Variants in JARID2 observed in about 807,000 individuals in gnomAD.
JARID2 encodes the protein protein Jumonji.
In JARID2, 21 loss-of-function variants were observed where a neutral mutation model predicts 125.6. That is an observed-to-expected ratio of 0.17 (90% CI 0.12 to 0.24). The LOEUF (loss-of-function observed/expected upper bound fraction) is 0.24, where lower values mean the gene tolerates loss of function less well. Ranked by LOEUF, JARID2 falls within the 10% of genes least tolerant of loss-of-function variation. The pLI is 1.00. For synonymous variants in JARID2, 736 were observed against 661.6 expected, an observed-to-expected ratio of 1.11 and a Z score of -1.73; for missense variants, 1,303 against 1,639.6, an observed-to-expected ratio of 0.79 and a Z score of 3.55.
At chr6:15,313,567 T>G (rs1261279868) in intron 1 of JARID2, among the ~76,000 whole-genome samples, 1 of 152,192 alleles carries the variant, frequency 6.6e-6, no homozygotes, top group Non-Finnish European at 1.5e-5. Flanking sequence ...ACGCAGGCTG[T>G]TGGTGCCGCG....
intron 1 of JARID2, among the ~76,000 whole-genome samples, chr6:15,283,190 G>A (rs1281930634): frequency 6.7e-6 from 1 of 149,128 alleles, no homozygotes; most frequent in African/African-American, 2.5e-5. Flanking sequence ...GTGTTAGCCA[G>A]GACGGTCTCG....
At chr6:15,385,209 C>T (rs1442921659) in intron 2 of JARID2, among the ~76,000 whole-genome samples, 3 of 152,268 alleles carry the variant, frequency 2.0e-5, no homozygotes, top group Non-Finnish European at 2.9e-5. Context: ...ACAAAGCATA[C>T]TCTGTTTAGC....
At chr6:15,461,480 A>T (rs1038803192) in intron 4 of JARID2, among the ~76,000 whole-genome samples, 1 of 152,180 alleles carries the variant, frequency 6.6e-6, no homozygotes, top group Non-Finnish European at 1.5e-5. Context: ...CTGGCCATGC[A>T]TCTAGGAGGT....
intron 3 of JARID2, among the ~76,000 whole-genome samples, chr6:15,430,081 G>A (rs539145857): frequency 1.5e-4 from 23 of 152,142 alleles, no homozygotes; most frequent in Non-Finnish European, 2.6e-4. Context: ...CCAACTTAGG[G>A]TTAACTCCAG....
intron 5 of JARID2, among the ~76,000 whole-genome samples, chr6:15,479,586 C>G (rs908639752): frequency 6.6e-6 from 1 of 152,182 alleles, no homozygotes; most frequent in Non-Finnish European, 1.5e-5. Context: ...TTCCAGATAT[C>G]TGTTATAATT....
At chr6:15,505,699 G>C (rs1358116049) in intron 9 of JARID2, among the ~76,000 whole-genome samples, 1 of 152,254 alleles carries the variant, frequency 6.6e-6, no homozygotes, top group Non-Finnish European at 1.5e-5. Context: ...TGTACCCTGG[G>C]TGCGGCTGTT....
intron 1 of JARID2, among the ~76,000 whole-genome samples, chr6:15,272,679 C>T (rs1760343607): frequency 6.6e-6 from 1 of 152,190 alleles, no homozygotes; most frequent in African/African-American, 2.4e-5. Flanking sequence ...TGTTTGATTT[C>T]ACTATCCTGG....
At chr6:15,490,050 G>A (rs928802293) in intron 6 of JARID2, among the ~76,000 whole-genome samples, 3 of 152,122 alleles carry the variant, frequency 2.0e-5, no homozygotes, top group Admixed American at 6.5e-5. Context: ...CCTTATACCA[G>A]GGACATTGTG....
At chr6:15,381,464 C>T (rs1209046118) in intron 2 of JARID2, among the ~76,000 whole-genome samples, 2 of 151,962 alleles carry the variant, frequency 1.3e-5, no homozygotes, top group Non-Finnish European at 2.9e-5. Flanking sequence ...TTTTCTCTAA[C>T]ACTCCTGTGT....
chr6:15,443,087 T>TAA (rs60513458), intron 3 of JARID2, among the ~76,000 whole-genome samples: 6 of 145,112 alleles, frequency 4.1e-5, no homozygotes, highest in African/African-American at 1.5e-4. Context: ...TCCCTGGAAT[T>TAA]AAAAAAAAAA....
At chr6:15,269,283 G>T (rs569259491) in intron 1 of JARID2, among the ~76,000 whole-genome samples, 17 of 152,264 alleles carry the variant, frequency 1.1e-4, no homozygotes, top group East Asian at 3.9e-4. Flanking sequence ...TGTTGGGGGG[G>T]GCGGAAAGAA....
At chr6:15,433,198 C>A (rs1767041761) in intron 3 of JARID2, among the ~76,000 whole-genome samples, 1 of 152,128 alleles carries the variant, frequency 6.6e-6, no homozygotes, top group African/African-American at 2.4e-5. Context: ...GTGATTATGT[C>A]TGTGGTTAAG....
intron 7 of JARID2, among the ~76,000 whole-genome samples, chr6:15,498,052 A>G (rs1263903769): frequency 6.6e-6 from 1 of 152,134 alleles, no homozygotes; most frequent in Non-Finnish European, 1.5e-5. Context: ...CTCCAAATTC[A>G]TTCATGTCCT....
intron 4 of JARID2, among the ~76,000 whole-genome samples, chr6:15,458,260 C>A (rs1007306983): frequency 3.0e-4 from 45 of 152,306 alleles, no homozygotes; most frequent in Admixed American, 1.7e-3. Context: ...TTAAATGATT[C>A]TCTTATTTAC....
chr6:15,514,436 G>C (rs1298201913), intron 16 of JARID2, among the ~76,000 whole-genome samples: 1 of 152,336 alleles, frequency 6.6e-6, no homozygotes, highest in Admixed American at 6.5e-5. Flanking sequence ...TGTCCCACAG[G>C]TGCCCCCTTC....
At chr6:15,268,952 C>T (rs984716597) in intron 1 of JARID2, among the ~76,000 whole-genome samples, 7 of 152,156 alleles carry the variant, frequency 4.6e-5, no homozygotes, top group East Asian at 1.9e-4. Flanking sequence ...TAAAGTCAGG[C>T]GTGTGCGTGT....
intron 1 of JARID2, among the ~76,000 whole-genome samples, chr6:15,290,046 A>G (rs918489370): frequency 5.9e-5 from 9 of 152,178 alleles, no homozygotes; most frequent in Admixed American, 4.6e-4. Context: ...CATTTCAAGC[A>G]TACAGTTTTG....
chr6:15,325,670 G>C (rs368735022), intron 1 of JARID2, among the ~76,000 whole-genome samples: 2 of 152,164 alleles, frequency 1.3e-5, no homozygotes, highest in South Asian at 4.1e-4. Context: ...CATAGACTTT[G>C]CTCCATCACA....
chr6:15,488,605 G>T (rs1036113066), intron 6 of JARID2, among the ~76,000 whole-genome samples: 1 of 152,126 alleles, frequency 6.6e-6, no homozygotes, highest in Non-Finnish European at 1.5e-5. Flanking sequence ...ACTCGATTTC[G>T]TCTTGCGGTA....
Sources: gnomAD v4.1 joint callset for allele counts (sites outside exome capture counted in the v4.1 genomes callset) on GRCh38, gnomAD v4.1.1 for gene constraint, MANE v1.5 for transcripts, NCBI Gene and HGNC (gene_info 2026-07-23, HGNC 2026-07-21) for gene names.